The following APOBEC3B variants were observed in gnomAD, a reference collection of about 807,000 sequenced individuals.
APOBEC3B encodes the protein DNA dC->dU-editing enzyme APOBEC-3B.
A neutral mutation model predicts 53.4 loss-of-function variants in APOBEC3B; 29 were observed. That is an observed-to-expected ratio of 0.54 (90% CI 0.40 to 0.74). The LOEUF is 0.74. APOBEC3B is among the 30% of genes least tolerant of loss of function. APOBEC3B has a pLI of 0.00. For missense variants in APOBEC3B, 347 were observed against 496.2 expected (o/e 0.70, Z 2.86); for synonymous variants, 132 against 184.8 (o/e 0.71, Z 2.32).
intron 1 of APOBEC3B, 79 bp downstream of exon 1, chr22:38,982,549 T>TGCC: frequency 6.6e-7 from 1 of 1,520,124 alleles, no homozygotes. Flanking sequence ...AACCCTGGCC[T>TGCC]CCCCCCGCCC....
intron 5 of APOBEC3B, among the ~76,000 whole-genome samples, chr22:38,990,635 G>A (rs1301281805): frequency 6.8e-6 from 1 of 147,854 alleles, no homozygotes. Context: ...ACTTTTGGTG[G>A]AATTCATTTT....
chr22:38,986,547 C>T (rs1343275535), intron 4 of APOBEC3B, 135 bp downstream of exon 4: 2 of 1,038,108 alleles, frequency 1.9e-6, no homozygotes, highest in African/African-American at 3.4e-5. Context: ...CTTCCCTTAA[C>T]TCCTGGTGCT....
chr22:38,992,314 C>T (rs1204930505), intron 7 of APOBEC3B, 117 bp from the exon 8 acceptor site: 2 of 1,536,058 alleles, frequency 1.3e-6, no homozygotes, highest in Admixed American at 2.0e-5. Flanking sequence ...CCTTCTCTTT[C>T]CCACCTCCCG....
At position 38,990,787 on chromosome 22, in the gene APOBEC3B, C is replaced by T. The variant is rs1459095966; in HGVS notation, c.724-545C>T. Among the ~76,000 whole-genome samples, 5 of 145,614 alleles carry T rather than the reference C, an allele frequency of 3.4e-5. 1 individual carries two copies. ...AATCTCCCCTTGAAGGAAGCACACT[C>T]ACTCAGGGGCATCAGGCCAATGACC... On this transcript the variant is annotated intron_variant, in intron 5 of 7. Transcript: ENST00000333467.
intron 5 of APOBEC3B, among the ~76,000 whole-genome samples, chr22:38,990,155 T>C (rs1198281934): frequency 6.9e-6 from 1 of 144,926 alleles, no homozygotes; most frequent in African/African-American, 2.5e-5. Flanking sequence ...AGGGACTTTC[T>C]TCCCTGGCCC....
In APOBEC3B at chr22:38,985,793, C is replaced by T; in HGVS notation, c.175-19C>T. 1 of 1,580,474 alleles carries T rather than the reference C, an allele frequency of 6.3e-7. No individual in the cohort carries two copies. Among genetic ancestry groups the T allele is most frequent in the Non-Finnish European group, 8.6e-7 (1 of 1,165,268 alleles). On this transcript the variant is annotated intron_variant, in intron 2 of 7. Transcript: ENST00000333467. Reference sequence around the variant, plus strand: ...GCTCCCCCTCTCAGAGCATCCCCTGCCCCCTGCTCCTCTCCCAGGTGTATT... The same window carrying T: ...GCTCCCCCTCTCAGAGCATCCCCTGTCCCCTGCTCCTCTCCCAGGTGTATT...
rs760682686 is a variant in APOBEC3B, at chr22:38,985,887, A to T, written c.250A>T (p.Lys84Ter). ...WFCGNQLPAY[K>*]CFQITWFVSW... ...CTGTGGCAACCAGCTGCCTGCTTAC[A>T]AGTGTTTCCAGATCACCTGGTTTGT... The change falls in exon 3 of 8, where the codon AAG becomes TAG. Residue 84 changes from lysine (K) to a stop codon, truncating the protein, a stop_gained. Coordinates refer to ENST00000333467, the MANE Select transcript of APOBEC3B (RefSeq NM_004900.5). LOFTEE classifies it high-confidence loss of function. 3.1e-6 allele frequency: 5 copies of T among 1,596,638 alleles called. 1 individual carries two copies. Among genetic ancestry groups the T allele is most frequent in the Non-Finnish European group, 4.3e-6 (5 of 1,173,714 alleles).
chr22:38,986,537 C>T, intron 4 of APOBEC3B, 125 bp downstream of exon 4: 1 of 1,127,150 alleles, frequency 8.9e-7, no homozygotes, highest in Non-Finnish European at 1.2e-6. Context: ...GTCACACCAC[C>T]TTCCCTTAAC....
chr22:38,992,131 G>A lies in APOBEC3B; in HGVS notation c.1116G>A (p.Arg372=), dbSNP rs746580811. ...LEEHSQALSG[R]LRAILQNQGN Reference sequence around the variant, plus strand: ...AGCACAGCCAAGCCCTGAGTGGGAGGCTGCGGGCCATTCTCCAGGTGAGGG... The same window carrying A: ...AGCACAGCCAAGCCCTGAGTGGGAGACTGCGGGCCATTCTCCAGGTGAGGG... The change falls in exon 7 of 8, where the codon AGG becomes AGA. Residue 372 remains arginine, a synonymous_variant. Transcript: ENST00000333467. 13 of 1,592,656 alleles carry A rather than the reference G, an allele frequency of 8.2e-6. No homozygotes were observed. The highest frequency in any genetic ancestry group is 1.1e-5 in the South Asian group (1 of 88,646).
At chr22:38,990,204 G>A (rs1317390252) in intron 5 of APOBEC3B, among the ~76,000 whole-genome samples, 1 of 148,172 alleles carries the variant, frequency 6.7e-6, no homozygotes, top group Non-Finnish European at 1.5e-5. Flanking sequence ...GCCAAGTTCT[G>A]CTTGGCTCTG....
Position 38,986,169 on chromosome 22 carries a change from G to A in APOBEC3B, c.454+78G>A. On this transcript the variant is annotated intron_variant, in intron 3 of 7. Coordinates refer to ENST00000333467, the MANE Select transcript of APOBEC3B (RefSeq NM_004900.5). Reference sequence around the variant, plus strand: ...TGGATGGATCTGCAATGCCATGGCTGGGGGTGTCCCAGGGCAGCCTGCAGG... The same window carrying A: ...TGGATGGATCTGCAATGCCATGGCTAGGGGTGTCCCAGGGCAGCCTGCAGG... 7.6e-6 allele frequency: 12 copies of A among 1,574,058 alleles called. 2 individuals are homozygous for A. The highest frequency in any genetic ancestry group is 1.0e-5 in the Non-Finnish European group (12 of 1,162,446).
chr22:38,991,183 T>A (rs1923975029), intron 5 of APOBEC3B, 149 bp from the exon 6 acceptor site: 1 of 829,748 alleles, frequency 1.2e-6, no homozygotes, highest in Non-Finnish European at 1.9e-6. Context: ...ATTTTTAATA[T>A]TGCATAGAAA....
At chr22:38,985,308 C>T (rs1231964092) in intron 2 of APOBEC3B, among the ~76,000 whole-genome samples, 1 of 148,360 alleles carries the variant, frequency 6.7e-6, no homozygotes, top group Non-Finnish European at 1.5e-5. Context: ...TCTCAACTTC[C>T]ACCTGCCAGG....
At chr22:38,984,379 G>A in intron 2 of APOBEC3B, 148 bp downstream of exon 2, 1 of 1,065,808 alleles carries the variant, frequency 9.4e-7, no homozygotes, top group Non-Finnish European at 1.3e-6. Flanking sequence ...AACAAAGACA[G>A]ACTGAGGTAT....
chr22:38,988,148 C>T lies in APOBEC3B; in HGVS notation c.570-1309C>T, dbSNP rs145796128. 2.1e-3 allele frequency among the ~76,000 whole-genome samples: 314 copies of T among 148,486 alleles called. 22 individuals are homozygous for T. The highest frequency in any genetic ancestry group is 7.3e-3 in the African/African-American group (298 of 40,890). ...TTCGAGCTTTTCTGATGAGCACTCA[C>T]CTCTCACCCTCAAACCCCTGGGGCC... On this transcript the variant is annotated intron_variant, in intron 4 of 7. Transcript: ENST00000333467.
At position 38,991,756 on chromosome 22, in the gene APOBEC3B, C is replaced by T. The variant is rs1924010456; in HGVS notation, c.1018+130C>T. On this transcript the variant is annotated intron_variant, in intron 6 of 7. Coordinates refer to ENST00000333467, the MANE Select transcript of APOBEC3B (RefSeq NM_004900.5). ...GGACTCTGGGACCTGACTTTGGGGT[C>T]GATGGGAAGAGAGAGGCCAGGCCAG... 9.2e-6 allele frequency: 12 copies of T among 1,300,958 alleles called. 1 individual carries two copies. The highest frequency in any genetic ancestry group is 3.0e-5 in the South Asian group (2 of 65,860). The allele number at this position is 1,300,958 out of a possible 1,614,324, so 80.6% of individuals were successfully genotyped here. A position where few individuals can be genotyped will look rare whatever the true frequency, so the allele number is the denominator to read the frequency against.
At chr22:38,990,090 T>TGAGG (rs1923931540) in intron 5 of APOBEC3B, among the ~76,000 whole-genome samples, 1 of 144,606 alleles carries the variant, frequency 6.9e-6, no homozygotes, top group Non-Finnish European at 1.5e-5. Flanking sequence ...GGGGAAGAAC[T>TGAGG]GGGCCAGGAA....
chr22:38,988,748 C>CTTTCTTGCTTTCTTGCTTTCTTGCTTT (rs1317657637), intron 4 of APOBEC3B, among the ~76,000 whole-genome samples: 1,731 of 66,016 alleles, frequency 0.026, 200 homozygotes, highest in African/African-American at 0.088. Flanking sequence ...TTTCTTTCTT[C>CTTTCTTGCTTTCTTGCTTTCTTGCTTT]CTTTCTTCTC....
rs187233443 is a variant in APOBEC3B at position 38,989,617 on chromosome 22, G to C, written c.723+7G>C. The C allele has an allele frequency of 2.2e-5, 34 of 1,558,712 alleles. 2 individuals carry two copies. The Admixed American group carries it at 3.8e-4, about 18-fold the overall frequency. On this transcript the variant is annotated splice_region_variant and intron_variant, in intron 5 of 7. Coordinates refer to ENST00000333467, the MANE Select transcript of APOBEC3B (RefSeq NM_004900.5). Reference sequence around the variant, plus strand: ...GGGCTTTCTATGCAACGAGGTGACCGACCCAGCCACCTGCATCCAGGCAGG... The same window carrying C: ...GGGCTTTCTATGCAACGAGGTGACCCACCCAGCCACCTGCATCCAGGCAGG...
Sources: gnomAD v4.1 joint callset for allele counts (sites outside exome capture counted in the v4.1 genomes callset) on GRCh38, gnomAD v4.1.1 for gene constraint, MANE v1.5 for transcripts, NCBI Gene and HGNC (gene_info 2026-07-23, HGNC 2026-07-21) for gene names.